PDE3A: variants seen among roughly 807,000 people sequenced by gnomAD.
PDE3A encodes the protein cGMP-inhibited 3',5'-cyclic phosphodiesterase 3A.
In PDE3A, 43 loss-of-function variants were observed where a neutral mutation model predicts 98.3. The observed-to-expected ratio is 0.44, with a 90% CI of 0.34 to 0.56. The LOEUF (loss-of-function observed/expected upper bound fraction) is 0.56. PDE3A is among the 20% of genes least tolerant of loss of function. The pLI is 0.01. For synonymous variants in PDE3A, 663 were observed against 567.9 expected, an observed-to-expected ratio of 1.17 and a Z score of -2.38; for missense variants, 1,427 against 1,440.7, an observed-to-expected ratio of 0.99 and a Z score of 0.15.
intron 1 of PDE3A, among the ~76,000 whole-genome samples, chr12:20,468,385 A>C (rs1945379933): frequency 6.6e-6 from 1 of 152,258 alleles, no homozygotes; most frequent in African/African-American, 2.4e-5. Flanking sequence ...AACCTCTCTG[A>C]ATCTCATTCT....
chr12:20,421,843 G>C (rs1007940818), intron 1 of PDE3A, among the ~76,000 whole-genome samples: 2 of 152,174 alleles, frequency 1.3e-5, no homozygotes, highest in African/African-American at 4.8e-5. Context: ...GTAAAGTAAA[G>C]AGTGGGAAAA....
intron 2 of PDE3A, among the ~76,000 whole-genome samples, chr12:20,590,611 C>A (rs1200327277): frequency 6.8e-6 from 1 of 147,758 alleles, no homozygotes; most frequent in Non-Finnish European, 1.5e-5. Flanking sequence ...CTCATCTTAA[C>A]CAGAAGAAAG....
intron 15 of PDE3A, among the ~76,000 whole-genome samples, chr12:20,670,600 T>G (rs923207313): frequency 1.6e-4 from 24 of 151,862 alleles, no homozygotes; most frequent in African/African-American, 4.1e-4. Flanking sequence ...GAATGACTAC[T>G]GGGTACATAA....
At chr12:20,386,100 AAT>A (rs375826971) in intron 1 of PDE3A, among the ~76,000 whole-genome samples, 276 of 17,050 alleles carry the variant, frequency 0.016, 11 homozygotes, top group East Asian at 0.086. Flanking sequence ...AATATATATA[AAT>A]ATATATATAA....
intron 2 of PDE3A, among the ~76,000 whole-genome samples, chr12:20,581,298 T>C (rs926399081): frequency 6.6e-6 from 1 of 152,182 alleles, no homozygotes; most frequent in Non-Finnish European, 1.5e-5. Flanking sequence ...TTCATGACTT[T>C]GTGGCAAAAT....
chr12:20,646,581 T>A lies in PDE3A; in HGVS notation c.2343T>A (p.Asp781Glu). The A allele has an allele frequency of 6.3e-7, 1 of 1,599,942 alleles. No homozygotes were observed. Among genetic ancestry groups the A allele is most frequent in the South Asian group, 1.1e-5 (1 of 90,842 alleles). ...CAGGCCTCTCAACTGTGATTAATGA[T>A]CATGGTTCAACCAGTGATTCAGGTA... Reference protein sequence around the residue: ...PIPGLSTVINDHGSTSDSDSD... With the variant: ...PIPGLSTVINEHGSTSDSDSD... The change falls in exon 11 of 16, where the codon GAT becomes GAA. Residue 781 changes from aspartate (D) to glutamate (E), a missense_variant. By Grantham distance (45) the Asp-to-Glu change is conservative. This residue lies in a region of PDE3A where 273 missense variants were observed against 420.3 expected (regional missense o/e 0.65). Transcript: ENST00000359062.
intron 1 of PDE3A, among the ~76,000 whole-genome samples, chr12:20,389,778 C>T (rs1217686860): frequency 6.6e-6 from 1 of 151,930 alleles, no homozygotes; most frequent in South Asian, 2.1e-4. Flanking sequence ...AAATTTAATG[C>T]TCAAATACTG....
intron 15 of PDE3A, among the ~76,000 whole-genome samples, chr12:20,658,248 G>A (rs1945086105): frequency 6.6e-6 from 1 of 152,108 alleles, no homozygotes; most frequent in Admixed American, 6.5e-5. Context: ...TTGATATAAG[G>A]GGTCTTGGCC....
At chr12:20,486,994 C>CT (rs1217275493) in intron 1 of PDE3A, among the ~76,000 whole-genome samples, 5 of 152,228 alleles carry the variant, frequency 3.3e-5, no homozygotes, top group Middle Eastern at 3.4e-3. Context: ...TAGAGACTTT[C>CT]AAAGCATTAC....
intron 1 of PDE3A, among the ~76,000 whole-genome samples, chr12:20,415,498 G>T (rs1944408107): frequency 1.3e-5 from 2 of 151,736 alleles, no homozygotes; most frequent in African/African-American, 4.8e-5. Context: ...TCAGCTTACT[G>T]CAACCACCAG....
intron 1 of PDE3A, among the ~76,000 whole-genome samples, chr12:20,403,094 C>A (rs1052704054): frequency 6.6e-6 from 1 of 152,262 alleles, no homozygotes; most frequent in African/African-American, 2.4e-5. Flanking sequence ...ACATTGGTAA[C>A]CAAATTTCAT....
intron 6 of PDE3A, among the ~76,000 whole-genome samples, chr12:20,631,300 T>TA: frequency 6.6e-6 from 1 of 152,326 alleles, no homozygotes; most frequent in Non-Finnish European, 1.5e-5. Flanking sequence ...TCAGAAGATA[T>TA]ATCATACATC....
At chr12:20,397,012 T>C (rs1243796299) in intron 1 of PDE3A, among the ~76,000 whole-genome samples, 1 of 122,092 alleles carries the variant, frequency 8.2e-6, no homozygotes, top group Non-Finnish European at 2.0e-5. Context: ...TTTTCTTATA[T>C]AGAAAATTTT....
intron 1 of PDE3A, among the ~76,000 whole-genome samples, chr12:20,437,070 TGTG>T (rs1944790046): frequency 1.3e-5 from 2 of 152,006 alleles, no homozygotes; most frequent in African/African-American, 4.8e-5. Context: ...TGTGTGTGTG[TGTG>T]TGTGCCCTTG....
chr12:20,501,709 G>A (rs764470934), intron 1 of PDE3A, among the ~76,000 whole-genome samples: 74 of 152,206 alleles, frequency 4.9e-4, no homozygotes, highest in Non-Finnish European at 2.6e-4. Context: ...AAATATTTAA[G>A]TGATCATTCC....
intron 1 of PDE3A, among the ~76,000 whole-genome samples, chr12:20,396,840 A>G (rs1220760222): frequency 6.6e-6 from 1 of 151,896 alleles, no homozygotes; most frequent in Non-Finnish European, 1.5e-5. Context: ...ATCCTTTGCT[A>G]TGTTTGTAGC....
At chr12:20,487,501 TAAAAAAAAAAAAAA>T (rs34671800) in intron 1 of PDE3A, among the ~76,000 whole-genome samples, 3 of 61,998 alleles carry the variant, frequency 4.8e-5, no homozygotes, top group South Asian at 8.9e-4. Context: ...CTGTCTCTAC[TAAAAAAAAAAAAAA>T]AAAAAAAAAA....
At chr12:20,500,764 CT>C in intron 1 of PDE3A, among the ~76,000 whole-genome samples, 1 of 139,192 alleles carries the variant, frequency 7.2e-6, no homozygotes, top group African/African-American at 2.6e-5. Context: ...TTCATTCTTT[CT>C]TTCTTTTTTT....
At chr12:20,463,626 A>G (rs1318077920) in intron 1 of PDE3A, among the ~76,000 whole-genome samples, 3 of 152,180 alleles carry the variant, frequency 2.0e-5, no homozygotes, top group Admixed American at 6.5e-5. Context: ...ATAGCTGCAA[A>G]TAGAAAATAT....
Sources: gnomAD v4.1 joint callset for allele counts (sites outside exome capture counted in the v4.1 genomes callset) on GRCh38, gnomAD v4.1.1 for gene constraint, gnomAD v4.1.1 regional missense constraint, MANE v1.5 for transcripts, NCBI Gene and HGNC (gene_info 2026-07-23, HGNC 2026-07-21) for gene names.